GABRA3: variants seen among roughly 807,000 people sequenced by gnomAD.
GABRA3 encodes the protein gamma-aminobutyric acid receptor subunit alpha-3.
A neutral mutation model predicts 30.1 loss-of-function variants in GABRA3; 10 were observed. The observed-to-expected ratio is 0.33, with a 90% CI of 0.20 to 0.56. The LOEUF (loss-of-function observed/expected upper bound fraction) is 0.56. Ranked by LOEUF, GABRA3 falls within the 20% of genes least tolerant of loss-of-function variation. The probability of loss-of-function intolerance (pLI) is 0.89; values close to 1 mark genes in which losing one functional copy is unlikely to be tolerated. For synonymous variants in GABRA3, 151 were observed against 146.8 expected, an observed-to-expected ratio of 1.03 and a Z score of -0.21; for missense variants, 233 against 392.0, an observed-to-expected ratio of 0.59 and a Z score of 3.42.
intron 1 of GABRA3, among the ~76,000 whole-genome samples, chrX:152,414,088 A>G (rs2124532164): frequency 9.0e-6 from 1 of 111,728 alleles, no homozygotes; most frequent in South Asian, 3.7e-4. Flanking sequence ...AAAACCACAC[A>G]TGCACCTACC....
At chrX:152,183,192 G>T (rs1248294377) in intron 9 of GABRA3, among the ~76,000 whole-genome samples, 1 of 109,806 alleles carries the variant, frequency 9.1e-6, no homozygotes, top group Admixed American at 9.8e-5. Flanking sequence ...CAGGTCCTGG[G>T]CTTTTCTTTG....
chrX:152,430,844 A>C (rs2124544927), intron 1 of GABRA3, among the ~76,000 whole-genome samples: 1 of 111,344 alleles, frequency 9.0e-6, no homozygotes, highest in East Asian at 2.8e-4. Context: ...AGAAAATAAT[A>C]AAATCAGCCT....
Position 152,168,203 on chromosome X carries a change from C to A in GABRA3, c.*25G>T. On this transcript the variant is annotated 3_prime_UTR_variant, in exon 10 of 10. Transcript: ENST00000370314. The stretch of plus-strand genomic sequence containing the variant: ...GATGCTTCACGGGGTATACAGTGCT[C>A]TGGTTGCTGCACTGCCACCACTATC... 1 of 1,168,390 alleles carries A rather than the reference C, an allele frequency of 8.6e-7. No homozygotes were observed.
intron 1 of GABRA3, among the ~76,000 whole-genome samples, chrX:152,379,872 C>T (rs1929094206): frequency 9.1e-6 from 1 of 109,946 alleles, no homozygotes; most frequent in Non-Finnish European, 1.9e-5. Flanking sequence ...GAGTCTTGCT[C>T]TGTCACCCAG....
At chrX:152,447,157 G>C (rs903557746) in intron 1 of GABRA3, among the ~76,000 whole-genome samples, 5 of 110,685 alleles carry the variant, frequency 4.5e-5, no homozygotes, top group African/African-American at 1.6e-4. Flanking sequence ...GAGGGCAGAG[G>C]CTATTCTTAA....
intron 6 of GABRA3, among the ~76,000 whole-genome samples, chrX:152,214,560 G>A (rs764282983): frequency 9.0e-6 from 1 of 110,561 alleles, no homozygotes; most frequent in Non-Finnish European, 1.9e-5. Flanking sequence ...GGAGATGTGG[G>A]GTCTTTTGTG....
chrX:152,270,216 TAGTG>T (rs1371868729), intron 4 of GABRA3, among the ~76,000 whole-genome samples: 10 of 111,346 alleles, frequency 9.0e-5, no homozygotes, highest in Admixed American at 3.8e-4. Context: ...GTTCTTGTCA[TAGTG>T]AGTGAGTGAG....
chrX:152,193,933 G>A (rs989119997), intron 8 of GABRA3, among the ~76,000 whole-genome samples: 2 of 111,410 alleles, frequency 1.8e-5, no homozygotes, highest in Non-Finnish European at 3.8e-5. Flanking sequence ...GGAGGCAGAG[G>A]TTGCAATGAG....
intron 3 of GABRA3, among the ~76,000 whole-genome samples, chrX:152,309,267 T>C (rs1939765673): frequency 9.0e-6 from 1 of 111,728 alleles, no homozygotes; most frequent in African/African-American, 3.3e-5. Context: ...AGATCAACAT[T>C]CAAATTCAGG....
chrX:152,387,197 A>C (rs1239395594), intron 1 of GABRA3, among the ~76,000 whole-genome samples: 1 of 107,441 alleles, frequency 9.3e-6, no homozygotes, highest in Non-Finnish European at 1.9e-5. Context: ...ACCTAATGCT[A>C]AATGACGAGT....
chrX:152,271,165 G>A (rs1441309166), intron 4 of GABRA3, among the ~76,000 whole-genome samples: 2 of 110,376 alleles, frequency 1.8e-5, no homozygotes, highest in Non-Finnish European at 3.8e-5. Context: ...TTTGCACCAT[G>A]TTGGCCAAGC....
intron 7 of GABRA3, among the ~76,000 whole-genome samples, chrX:152,199,856 A>C (rs1021117917): frequency 9.1e-6 from 1 of 109,705 alleles, no homozygotes; most frequent in Admixed American, 9.8e-5. Context: ...ACACACACAT[A>C]ACACACACAA....
intron 5 of GABRA3, chrX:152,251,163 A>G (rs1212935194): frequency 3.1e-6 from 1 of 323,017 alleles, no homozygotes; most frequent in African/African-American, 2.7e-5. Flanking sequence ...GTGCTTCTGT[A>G]CTTCCTCTAT....
At chrX:152,339,130 A>T (rs1940277306) in intron 3 of GABRA3, among the ~76,000 whole-genome samples, 1 of 111,256 alleles carries the variant, frequency 9.0e-6, no homozygotes, top group Admixed American at 9.6e-5. Context: ...TAGTATTGTC[A>T]TTTTAACAAT....
At position 152,168,177 on chromosome X, in the gene GABRA3, G is replaced by A; in HGVS notation, c.*51C>T. The A allele has an allele frequency of 9.4e-7, 1 of 1,063,737 alleles. No homozygotes were observed. Among genetic ancestry groups the A allele is most frequent in the East Asian group, 3.0e-5 (1 of 32,884 alleles). 87.7% of individuals were successfully genotyped at this position (1,063,737 alleles called of 1,213,427 possible). A position where few individuals can be genotyped will look rare whatever the true frequency, so the allele number is the denominator to read the frequency against. Reference sequence around the variant, plus strand: ...GGGGAGCCCCGGGGTTTGGGTGCCTGGATGCTTCACGGGGTATACAGTGCT... The same window carrying A: ...GGGGAGCCCCGGGGTTTGGGTGCCTAGATGCTTCACGGGGTATACAGTGCT... On this transcript the variant is annotated 3_prime_UTR_variant, in exon 10 of 10. Coordinates refer to ENST00000370314, the MANE Select transcript of GABRA3 (RefSeq NM_000808.4).
chrX:152,256,059 C>T (rs1428260493), intron 4 of GABRA3, 61 bp from the exon 5 acceptor site: 1 of 845,633 alleles, frequency 1.2e-6, no homozygotes, highest in Non-Finnish European at 1.7e-6. Context: ...CTCATAGTGC[C>T]CTTAGCAAAT....
intron 5 of GABRA3, among the ~76,000 whole-genome samples, chrX:152,225,105 C>T (rs16995651): frequency 0.02 from 2,189 of 107,881 alleles, 50 homozygotes; most frequent in African/African-American, 0.07. Context: ...TATAACTTTT[C>T]TGCCCTAACT....
intron 1 of GABRA3, among the ~76,000 whole-genome samples, chrX:152,399,824 A>G (rs1290261327): frequency 8.9e-6 from 1 of 111,902 alleles, no homozygotes; most frequent in Non-Finnish European, 1.9e-5. Flanking sequence ...TGCAATAGCT[A>G]GAAGGAAGAC....
At chrX:152,425,080 A>G (rs1930485210) in intron 1 of GABRA3, among the ~76,000 whole-genome samples, 1 of 105,831 alleles carries the variant, frequency 9.4e-6, no homozygotes, top group Admixed American at 1.0e-4. Flanking sequence ...CTGAGGCTAC[A>G]ATATGCTCCA....
Sources: gnomAD v4.1 joint callset for allele counts (sites outside exome capture counted in the v4.1 genomes callset) on GRCh38, gnomAD v4.1.1 for gene constraint, MANE v1.5 for transcripts, NCBI Gene and HGNC (gene_info 2026-07-23, HGNC 2026-07-21) for gene names.